Variants in AGBL4 observed in about 807,000 individuals in gnomAD.
AGBL4 encodes the protein cytosolic carboxypeptidase 6.
Under a neutral mutation model 66.4 loss-of-function variants are expected in AGBL4, and 58 were observed. The observed-to-expected ratio is 0.87, with a 90% CI of 0.71 to 1.09. AGBL4 has a LOEUF of 1.09. Ranked by LOEUF, AGBL4 falls within the 50% of genes least tolerant of loss-of-function variation. The pLI is 0.00. For synonymous variants in AGBL4, 234 were observed against 222.9 expected, an observed-to-expected ratio of 1.05 and a Z score of -0.44; for missense variants, 579 against 631.0, an observed-to-expected ratio of 0.92 and a Z score of 0.88.
At chr1:49,594,734 T>C (rs1644819133) in intron 3 of AGBL4, among the ~76,000 whole-genome samples, 1 of 152,238 alleles carries the variant, frequency 6.6e-6, no homozygotes, top group African/African-American at 2.4e-5. Flanking sequence ...CCATGGTGTA[T>C]ATGTGCCACA....
intron 2 of AGBL4, among the ~76,000 whole-genome samples, chr1:49,783,037 G>C (rs534493379): frequency 3.8e-4 from 57 of 151,212 alleles, no homozygotes; most frequent in African/African-American, 1.3e-3. Context: ...TCAGTACATA[G>C]CAAGAAGGCA....
At chr1:49,585,914 A>G (rs1431567170) in intron 3 of AGBL4, among the ~76,000 whole-genome samples, 1 of 152,170 alleles carries the variant, frequency 6.6e-6, no homozygotes, top group African/African-American at 2.4e-5. Flanking sequence ...TGCCATAAAA[A>G]TAATTCCCAT....
chr1:49,500,391 C>A (rs1015958838), intron 3 of AGBL4, among the ~76,000 whole-genome samples: 3 of 145,602 alleles, frequency 2.1e-5, no homozygotes, highest in Admixed American at 7.2e-5. Flanking sequence ...TTAATTAGGT[C>A]CCATCTATTT....
intron 4 of AGBL4, among the ~76,000 whole-genome samples, chr1:49,147,730 A>C (rs1366947513): frequency 6.6e-6 from 1 of 152,180 alleles, no homozygotes; most frequent in East Asian, 1.9e-4. Context: ...CTGAGAAATA[A>C]GATGTTGATG....
chr1:49,361,533 C>G (rs1461494188), intron 3 of AGBL4, among the ~76,000 whole-genome samples: 1 of 152,076 alleles, frequency 6.6e-6, no homozygotes, highest in Non-Finnish European at 1.5e-5. Flanking sequence ...ACCATGTTGT[C>G]CAGGGTGGCC....
At chr1:49,116,028 C>A (rs1645512656) in intron 4 of AGBL4, among the ~76,000 whole-genome samples, 1 of 152,000 alleles carries the variant, frequency 6.6e-6, no homozygotes, top group Admixed American at 6.6e-5. Flanking sequence ...GAAATTGGAT[C>A]CTGAATGTTT....
intron 5 of AGBL4, among the ~76,000 whole-genome samples, chr1:48,897,574 G>T (rs1651646173): frequency 6.6e-6 from 1 of 152,058 alleles, no homozygotes; most frequent in South Asian, 2.1e-4. Flanking sequence ...CATAGTGGTT[G>T]TACTAGTTTA....
Position 49,683,951 on chromosome 1 carries a change from G to C in AGBL4, c.282+13362C>G, listed in dbSNP as rs528490744. Among the ~76,000 whole-genome samples the C allele has an allele frequency of 5.3e-5, 8 of 152,264 alleles. No individual in the cohort carries two copies. The East Asian group carries it at 1.5e-3, about 29-fold the overall frequency. ...TGAAACTAAAGTTCAAGACTGAGGA[G>C]TAATCAGCATTTAGTTTATCATCCT... is the stretch of plus-strand genomic sequence containing the variant. On this transcript the variant is annotated intron_variant, in intron 3 of 13. Coordinates refer to ENST00000371839, the MANE Select transcript of AGBL4 (RefSeq NM_032785.4).
chr1:48,679,377 C>A (rs779300822), intron 6 of AGBL4, among the ~76,000 whole-genome samples: 5 of 152,156 alleles, frequency 3.3e-5, no homozygotes, highest in Admixed American at 6.5e-5. Flanking sequence ...ATTATTTGAG[C>A]TGTTACTGGG....
In AGBL4 at chr1:49,272,030, G is replaced by A. The variant is rs530844283; in HGVS notation, c.283-26166C>T. The stretch of plus-strand genomic sequence containing the variant: ...ACAGTTTTGGAAGTGGCTGGCAGTG[G>A]TACAATGAATGTTATTTGTTACATT... On this transcript the variant is annotated intron_variant, in intron 3 of 13. Coordinates refer to ENST00000371839, the MANE Select transcript of AGBL4 (RefSeq NM_032785.4). Among the ~76,000 whole-genome samples the A allele has an allele frequency of 1.3e-4, 20 of 152,274 alleles. No individual in the cohort carries two copies. In the South Asian group the frequency reaches 1.7e-3, roughly 13 times the overall value.
At chr1:48,526,130 A>G in the AGBL4 span, among the ~76,000 whole-genome samples, 1 of 152,220 alleles carries the variant, frequency 6.6e-6, no homozygotes, top group African/African-American at 2.4e-5. Flanking sequence ...ACTCAGGGGA[A>G]TCAGGCAAAA....
At chr1:49,015,621 TC>T (rs1662761651) in intron 5 of AGBL4, among the ~76,000 whole-genome samples, 3 of 151,736 alleles carry the variant, frequency 2.0e-5, no homozygotes, top group African/African-American at 2.4e-5. Context: ...AGACGGGGTT[TC>T]ACCATGTTAG....
chr1:49,932,467 A>G (rs190410225), intron 1 of AGBL4, among the ~76,000 whole-genome samples: 6 of 152,290 alleles, frequency 3.9e-5, no homozygotes, highest in African/African-American at 7.2e-5. Context: ...TCTTACACAC[A>G]TTACCAAAAG....
At chr1:48,900,225 A>G (rs949893044) in intron 5 of AGBL4, among the ~76,000 whole-genome samples, 2 of 152,196 alleles carry the variant, frequency 1.3e-5, no homozygotes, top group East Asian at 3.9e-4. Flanking sequence ...AAGGGTGCAG[A>G]CCCCACACAG....
chr1:48,539,328 G>A (rs1052758793), intron 12 of AGBL4, among the ~76,000 whole-genome samples: 3 of 152,196 alleles, frequency 2.0e-5, no homozygotes, highest in African/African-American at 4.8e-5. Flanking sequence ...GGTATCAGGA[G>A]AGGTAGCACA....
chr1:48,601,832 A>G (rs1354192001), intron 9 of AGBL4, among the ~76,000 whole-genome samples: 1 of 152,006 alleles, frequency 6.6e-6, no homozygotes, highest in Non-Finnish European at 1.5e-5. Context: ...AAGTCATCCT[A>G]TGTGCTCAGT....
chr1:49,376,159 C>T (rs1245018163), intron 3 of AGBL4, among the ~76,000 whole-genome samples: 1 of 152,086 alleles, frequency 6.6e-6, no homozygotes, highest in Non-Finnish European at 1.5e-5. Context: ...ATTTGGTGCT[C>T]CTGTACCCAC....
chr1:49,454,474 G>C lies in AGBL4; in HGVS notation c.283-208610C>G, dbSNP rs1160495905. Among the ~76,000 whole-genome samples the C allele has an allele frequency of 2.0e-5, 3 of 151,652 alleles. 1 individual carries two copies. The highest frequency in any genetic ancestry group is 4.4e-5 in the Non-Finnish European group (3 of 67,828). On this transcript the variant is annotated intron_variant, in intron 3 of 13. Coordinates refer to ENST00000371839, the MANE Select transcript of AGBL4 (RefSeq NM_032785.4). The stretch of plus-strand genomic sequence containing the variant: ...GAGGAGATTCTATGTGGTGCTAAAG[G>C]CTTTATGAATATATTCTATGCTTTC...
At chr1:49,664,433 T>C (rs1178977737) in intron 3 of AGBL4, among the ~76,000 whole-genome samples, 2 of 152,082 alleles carry the variant, frequency 1.3e-5, no homozygotes, top group African/African-American at 4.8e-5. Context: ...ATAAAGCTAG[T>C]ACATATTTTC....
Sources: allele counts gnomAD v4.1 joint callset (sites outside exome capture counted in the v4.1 genomes callset), GRCh38; gene constraint gnomAD v4.1.1; transcripts MANE v1.5; gene names NCBI Gene and HGNC (gene_info 2026-07-23, HGNC 2026-07-21).